ABCD4: variants seen among roughly 807,000 people sequenced by gnomAD.
The protein encoded by ABCD4 is ATP binding cassette subfamily D member 4.
ABCD4 carries 53 observed loss-of-function variants against 86.3 expected under a neutral mutation model. The observed-to-expected ratio is 0.61, with a 90% confidence interval of 0.49 to 0.77. The LOEUF is 0.77. Among genes scored for constraint, ABCD4 ranks in the 30% least tolerant of loss-of-function variants. The probability of loss-of-function intolerance (pLI) is 0.00; values close to 1 mark genes in which losing one functional copy is unlikely to be tolerated. For missense variants in ABCD4, 757 were observed against 764.5 expected (o/e 0.99, Z 0.12); for synonymous variants, 328 against 313.6 (o/e 1.05, Z -0.49).
rs56188138 is a variant in ABCD4, at chr14:74,296,751, T to C, written c.426-302A>G. The C allele has an allele frequency of 0.036, 10,944 of 303,476 alleles. 1,165 individuals are homozygous for C. Among genetic ancestry groups the C allele is most frequent in the African/African-American group, 0.22 (10,202 of 45,988 alleles). The allele number at this position is 303,476 out of a possible 1,614,324, so 18.8% of individuals were successfully genotyped here. A position where few individuals can be genotyped will look rare whatever the true frequency, so the allele number is the denominator to read the frequency against. ...GCTCTGAGCAGAGCCAAAGAAAAAC[T>C]TGAAGGTAGATGAGCTGTTTTGGAT... On this transcript the variant is annotated intron_variant, in intron 4 of 18. Transcript: ENST00000356924.
intron 4 of ABCD4, chr14:74,297,615 G>T: frequency 1.5e-6 from 1 of 675,718 alleles, no homozygotes; most frequent in Non-Finnish European, 1.9e-6. Flanking sequence ...CTAGAGTACA[G>T]TGGCTATTCC....
chr14:74,295,004 G>C (rs1327112792), intron 7 of ABCD4, 144 bp downstream of exon 7: 1 of 942,060 alleles, frequency 1.1e-6, no homozygotes. Context: ...CAAGGGCAGG[G>C]GGAGGTAGAG....
chr14:74,293,041 A>T, intron 8 of ABCD4, 113 bp downstream of exon 8: 1 of 1,434,956 alleles, frequency 7.0e-7, no homozygotes, highest in African/African-American at 1.4e-5. Flanking sequence ...ATCCCCGGTT[A>T]ATTCCTTCAT....
At chr14:74,293,309 G>A (rs576115362) in intron 7 of ABCD4, 61 bp from the exon 8 acceptor site, 23 of 1,505,146 alleles carry the variant, frequency 1.5e-5, no homozygotes, top group East Asian at 9.1e-5. Context: ...TTGGGGGGCC[G>A]CCTGTCCCAT....
At chr14:74,299,006 G>A (rs529613078) in intron 3 of ABCD4, 41 of 155,708 alleles carry the variant, frequency 2.6e-4, no homozygotes, top group Non-Finnish European at 1.7e-4. Context: ...AAAAAGGGCA[G>A]AGTTTGGTGG....
rs1250290750 is a variant in ABCD4 at position 74,293,155 on chromosome 14, G to A, written c.813C>T (p.Tyr271=). The A allele has an allele frequency of 6.2e-7, 1 of 1,613,798 alleles. No homozygotes were observed. Among genetic ancestry groups the A allele is most frequent in the Non-Finnish European group, 8.5e-7 (1 of 1,179,922 alleles). The change falls in exon 8 of 19, where the codon TAC becomes TAT. Residue 271 remains tyrosine, a splice_region_variant and synonymous_variant. Transcript: ENST00000356924. The stretch of plus-strand genomic sequence containing the variant: ...ACTTCCCTGGGCCCCCTCGCCTACT[G>A]TACAGCCAGAGCTCCTTGGACATCA... The part of the protein sequence containing the change: ...RELMSKELWL[Y]IGINTFDYLG...
At chr14:74,289,623 A>G in intron 13 of ABCD4, 104 bp from the exon 14 acceptor site, 1 of 1,535,714 alleles carries the variant, frequency 6.5e-7, no homozygotes, top group Non-Finnish European at 8.7e-7. Flanking sequence ...CCCAAGGAGG[A>G]GAGGTGGGAA....
chr14:74,300,176 A>T lies in ABCD4; in HGVS notation c.131T>A (p.Leu44Gln), dbSNP rs751844212. 3 of 1,613,494 alleles carry T rather than the reference A, an allele frequency of 1.9e-6. No individual in the cohort carries two copies. In the Admixed American group the frequency reaches 5.0e-5, roughly 27 times the overall value. Reference sequence around the variant, plus strand: ...CAGTAGGGTCAGGCACAAAAGGGTCAGGAACATCAAGGCATTTTGTGATGA... The same window carrying T: ...CAGTAGGGTCAGGCACAAAAGGGTCTGGAACATCAAGGCATTTTGTGATGA... The part of the protein sequence containing the change: ...SWSSQNALMF[L>Q]TLLCLTLLEQ... The change falls in exon 2 of 19, where the codon CTG becomes CAG. Residue 44 changes from leucine to glutamine, a missense_variant. Coordinates refer to ENST00000356924, the MANE Select transcript of ABCD4 (RefSeq NM_005050.4).
intron 8 of ABCD4, 114 bp from the exon 9 acceptor site, chr14:74,292,983 C>G: frequency 6.5e-7 from 1 of 1,533,090 alleles, no homozygotes. Flanking sequence ...TCTCTGGATC[C>G]TCATTCTCCT....
chr14:74,290,956 A>G (rs929242914), intron 11 of ABCD4, among the ~76,000 whole-genome samples: 1 of 152,072 alleles, frequency 6.6e-6, no homozygotes, highest in African/African-American at 2.4e-5. Flanking sequence ...TATAGACGTG[A>G]GCTTCCGTGC....
At chr14:74,289,785 TGTGGTATTTGGC>T in intron 13 of ABCD4, 1 of 1,436,006 alleles carries the variant, frequency 7.0e-7, no homozygotes, top group Non-Finnish European at 9.1e-7. Context: ...GACATACGCG[TGTGGTATTTGGC>T]GTGAGTCCTT....
intron 12 of ABCD4, 47 bp downstream of exon 12, chr14:74,290,244 C>A (rs368872131): frequency 4.3e-6 from 7 of 1,612,984 alleles, no homozygotes; most frequent in African/African-American, 1.3e-5. Context: ...TTCACCCCAC[C>A]CCTAGGGCCC....
In ABCD4 at chr14:74,296,325, G is replaced by A. The variant is rs2082858892; in HGVS notation, c.542+8C>T. ...GAAACACCAGGCTGGGGAGGAGGGA[G>A]GCTTCACCTTTGGAAGCACTGGTAA... is the stretch of plus-strand genomic sequence containing the variant. On this transcript the variant is annotated splice_region_variant and intron_variant, in intron 5 of 18. Coordinates refer to ENST00000356924, the MANE Select transcript of ABCD4 (RefSeq NM_005050.4). The A allele has an allele frequency of 1.2e-6, 2 of 1,612,052 alleles. No individual in the cohort carries two copies. Among genetic ancestry groups the A allele is most frequent in the Admixed American group, 1.7e-5 (1 of 59,996 alleles).
chr14:74,293,300 T>C, intron 7 of ABCD4, 52 bp from the exon 8 acceptor site: 1 of 1,564,824 alleles, frequency 6.4e-7, no homozygotes, highest in Non-Finnish European at 8.8e-7. Context: ...TCAGCCAGGT[T>C]GGGGGGCCGC....
rs1210275348 is a variant in ABCD4, at chr14:74,285,569, TGAAG to T, written c.*888_*891del. 1.3e-4 allele frequency: 20 copies of T among 152,300 alleles called. No homozygotes were observed. The highest frequency in any genetic ancestry group is 4.6e-4 in the African/African-American group (19 of 41,566). 9.4% of individuals were successfully genotyped at this position (152,300 alleles called of 1,614,324 possible). A position where few individuals can be genotyped will look rare whatever the true frequency, so the allele number is the denominator to read the frequency against. ...AAGTACAGAAGCCTGGCAAAAATTA[TGAAG>T]GTAAGGAAGGTAATACATAGACAAC... On this transcript the variant is annotated 3_prime_UTR_variant, in exon 19 of 19. Coordinates refer to ENST00000356924, the MANE Select transcript of ABCD4 (RefSeq NM_005050.4).
intron 17 of ABCD4, among the ~76,000 whole-genome samples, chr14:74,287,551 C>CAAAAAAAAAAA (rs67310859): frequency 9.3e-6 from 1 of 107,334 alleles, no homozygotes; most frequent in Non-Finnish European, 1.9e-5. Flanking sequence ...GAGACTGTCT[C>CAAAAAAAAAAA]AAAAAAAAAA....
rs387907315 is a variant in ABCD4, at chr14:74,286,706, C to CAG, written c.1746_1747insCT (p.Glu583LeufsTer9). 27 of 1,614,012 alleles carry CAG rather than the reference C, an allele frequency of 1.7e-5. No homozygotes were observed. The highest frequency in any genetic ancestry group is 2.3e-5 in the Non-Finnish European group (27 of 1,180,034). Reference sequence around the variant, plus strand: ...ATCCTTGTGAGCACGGGTACCTTCTCAAGGCTCTGCCGATGTCCCACACTG... The same window carrying CAG: ...ATCCTTGTGAGCACGGGTACCTTCTCAGAAGGCTCTGCCGATGTCCCACACTG... On this transcript the variant is annotated frameshift_variant, in exon 18 of 19. Coordinates refer to ENST00000356924, the MANE Select transcript of ABCD4 (RefSeq NM_005050.4). LOFTEE classifies it high-confidence loss of function.
intron 12 of ABCD4, 46 bp from the exon 13 acceptor site, chr14:74,290,164 G>A: frequency 2.5e-6 from 4 of 1,612,302 alleles, no homozygotes; most frequent in East Asian, 2.2e-5. Context: ...CCCAGAAGAG[G>A]CAACTGCCTG....
Position 74,290,110 on chromosome 14 carries a change from G to A in ABCD4, c.1336C>T (p.Gln446Ter). ...GLWTSTRGSV[Q>*]MLTDFGPHGV... ...TGGGGCCCAAAGTCCGTCAGCATCT[G>A]CACTGAGCCTGCAGAGCCCACAGAA... Residue 446 changes from glutamine to a stop codon, truncating the protein, a stop_gained, in exon 13 of 19, where the codon CAG becomes TAG. Coordinates refer to ENST00000356924, the MANE Select transcript of ABCD4 (RefSeq NM_005050.4). LOFTEE classifies it high-confidence loss of function. The A allele has an allele frequency of 5.0e-6, 8 of 1,614,160 alleles. No homozygotes were observed. The highest frequency in any genetic ancestry group is 6.8e-6 in the Non-Finnish European group (8 of 1,180,024).
Sources: gnomAD v4.1 joint callset for allele counts (sites outside exome capture counted in the v4.1 genomes callset) on GRCh38, gnomAD v4.1.1 for gene constraint, MANE v1.5 for transcripts, NCBI Gene and HGNC (gene_info 2026-07-23, HGNC 2026-07-21) for gene names.